The following WWP1 variants were observed in gnomAD, a reference collection of about 807,000 sequenced individuals.
WWP1 encodes WW domain containing E3 ubiquitin protein ligase 1, also known as NEDD4-like E3 ubiquitin-protein ligase WWP1.
WWP1 carries 49 observed loss-of-function variants against 130.6 expected under a neutral mutation model. The ratio of observed to expected loss-of-function variants is 0.38; its 90% CI spans 0.30 to 0.48. The LOEUF is 0.48. WWP1 is among the 20% of genes least tolerant of loss of function. The pLI is 0.99. For synonymous variants in WWP1, 332 were observed against 367.8 expected (o/e 0.90, Z 1.11); for missense variants, 809 against 1,100.6 (o/e 0.74, Z 3.75).
rs1009349119 is a variant in WWP1 at position 86,433,344 on chromosome 8, A to G, written c.1601+1601A>G. ...CTCACAAATTTAGCTCAGACTTCTC[A>G]CTTGAAATTTTGCTTTCTATATTCA... is the stretch of plus-strand genomic sequence containing the variant. On this transcript the variant is annotated intron_variant, in intron 14 of 24. Coordinates refer to ENST00000517970, the MANE Select transcript of WWP1 (RefSeq NM_007013.4). 8.7e-5 allele frequency among the ~76,000 whole-genome samples: 13 copies of G among 148,594 alleles called. No homozygotes were observed. In the South Asian group the frequency reaches 2.3e-3, roughly 26 times the overall value.
At chr8:86,376,223 G>C (rs747878965) in intron 3 of WWP1, among the ~76,000 whole-genome samples, 2 of 152,168 alleles carry the variant, frequency 1.3e-5, no homozygotes, top group Non-Finnish European at 2.9e-5. Flanking sequence ...GTACACCTGA[G>C]GTGTAACTTT....
At chr8:86,459,527 A>G (rs553416524) in intron 22 of WWP1, among the ~76,000 whole-genome samples, 2 of 152,174 alleles carry the variant, frequency 1.3e-5, no homozygotes, top group Admixed American at 6.5e-5. Context: ...AAAAAACTGG[A>G]AACAGTTCTA....
chr8:86,467,021 C>T lies in WWP1; in HGVS notation c.*128C>T, dbSNP rs193278361. On this transcript the variant is annotated 3_prime_UTR_variant, in exon 25 of 25. Coordinates refer to ENST00000517970, the MANE Select transcript of WWP1 (RefSeq NM_007013.4). ...TCCGAACCTCTCAAAGTATGTTTTC[C>T]GTTCTTCCACAGAAATATGCAAAAC... 76 of 672,148 alleles carry T rather than the reference C, an allele frequency of 1.1e-4. No homozygotes were observed. The East Asian group carries it at 1.7e-3, about 15-fold the overall frequency. 41.6% of individuals were successfully genotyped at this position (672,148 alleles called of 1,614,324 possible).
chr8:86,454,379 A>G (rs1385910023), intron 21 of WWP1, among the ~76,000 whole-genome samples: 1 of 152,000 alleles, frequency 6.6e-6, no homozygotes, highest in Non-Finnish European at 1.5e-5. Context: ...AAGCTGTTGG[A>G]TATGGAAAGC....
chr8:86,436,106 C>T (rs893257705), intron 16 of WWP1, among the ~76,000 whole-genome samples: 1 of 152,154 alleles, frequency 6.6e-6, no homozygotes, highest in African/African-American at 2.4e-5. Context: ...CATTCGTCCT[C>T]ACAGCATCCC....
In WWP1 at chr8:86,411,646, T is replaced by C; in HGVS notation, c.833T>C (p.Val278Ala). The change falls in exon 9 of 25, where the codon GTT becomes GCT. Residue 278 changes from valine (V) to alanine (A), a missense_variant. This residue lies in a region of WWP1 where 262 missense variants were observed against 346.0 expected (regional missense o/e 0.76). Coordinates refer to ENST00000517970, the MANE Select transcript of WWP1 (RefSeq NM_007013.4). ...ALSPNCTSTTVEDPPVQEILT... is the reference protein window; with the variant it reads ...ALSPNCTSTTAEDPPVQEILT... Reference sequence around the variant, plus strand: ...TCTCCAAATTGCACTAGTACTACTGTTGAAGATCCTCCAGTTCAAGAAATA... The same window carrying C: ...TCTCCAAATTGCACTAGTACTACTGCTGAAGATCCTCCAGTTCAAGAAATA... 1 of 1,614,162 alleles carries C rather than the reference T, an allele frequency of 6.2e-7. No individual in the cohort carries two copies.
chr8:86,356,912 A>G (rs1823291582), intron 1 of WWP1, among the ~76,000 whole-genome samples: 1 of 150,000 alleles, frequency 6.7e-6, no homozygotes, highest in African/African-American at 2.5e-5. Context: ...TGTAAGCATA[A>G]ATTAAATTGT....
At chr8:86,436,554 G>GCCCTC (rs1810297596) in intron 16 of WWP1, among the ~76,000 whole-genome samples, 1 of 152,170 alleles carries the variant, frequency 6.6e-6, no homozygotes, top group Admixed American at 6.5e-5. Context: ...TGAGAGCAGG[G>GCCCTC]ACTATTGGTT....
In WWP1 at chr8:86,342,897, G is replaced by T. The variant is rs1328789720; in HGVS notation, c.-148G>T. The T allele has an allele frequency of 2.7e-5, 9 of 338,622 alleles. No homozygotes were observed. In the East Asian group the frequency reaches 3.9e-4, roughly 15 times the overall value. 21.0% of individuals were successfully genotyped at this position (338,622 alleles called of 1,614,324 possible). The stretch of plus-strand genomic sequence containing the variant: ...AGGAGGAGGTGCCGCTGCCGTGGCC[G>T]CCCGGCTGCCGGGAGCCGACAGCTT... On this transcript the variant is annotated 5_prime_UTR_variant, in exon 1 of 25. Transcript: ENST00000517970.
In WWP1 at chr8:86,342,677, G is replaced by C. The variant is rs1266728124; in HGVS notation, c.-368G>C. 12 of 320,216 alleles carry C rather than the reference G, an allele frequency of 3.7e-5. No homozygotes were observed. The highest frequency in any genetic ancestry group is 6.2e-5 in the Non-Finnish European group (11 of 177,320). The allele number at this position is 320,216 out of a possible 1,614,324, so 19.8% of individuals were successfully genotyped here. On this transcript the variant is annotated 5_prime_UTR_variant, in exon 1 of 25. Coordinates refer to ENST00000517970, the MANE Select transcript of WWP1 (RefSeq NM_007013.4). Reference sequence around the variant, plus strand: ...CGCGGCGCGCTCCCGAGGAAGGGAGGTGTGGGGTCGGCTGGGGGTGGCGCG... The same window carrying C: ...CGCGGCGCGCTCCCGAGGAAGGGAGCTGTGGGGTCGGCTGGGGGTGGCGCG...
At chr8:86,448,900 C>T (rs935232001) in intron 20 of WWP1, among the ~76,000 whole-genome samples, 3 of 152,144 alleles carry the variant, frequency 2.0e-5, no homozygotes. Context: ...GTGGCGTGAT[C>T]ATAGCTTACT....
chr8:86,366,712 A>T (rs1823995007), intron 1 of WWP1, among the ~76,000 whole-genome samples: 1 of 152,196 alleles, frequency 6.6e-6, no homozygotes, highest in Non-Finnish European at 1.5e-5. Flanking sequence ...TACACTGTTC[A>T]CTAGGATTAT....
intron 12 of WWP1, among the ~76,000 whole-genome samples, chr8:86,431,163 ATTATAT>A (rs1171070453): frequency 3.6e-5 from 2 of 55,964 alleles, no homozygotes; most frequent in East Asian, 5.8e-4. Flanking sequence ...TAGAATATAT[ATTATAT>A]TCTACATAAT....
At chr8:86,422,203 G>T (rs905758472) in intron 9 of WWP1, among the ~76,000 whole-genome samples, 1 of 152,076 alleles carries the variant, frequency 6.6e-6, no homozygotes, top group Non-Finnish European at 1.5e-5. Flanking sequence ...ACTCTCTCAT[G>T]TCGCTTCCGA....
At chr8:86,435,383 A>C (rs957788304) in intron 14 of WWP1, 69 bp from the exon 15 acceptor site, 2 of 1,517,240 alleles carry the variant, frequency 1.3e-6, no homozygotes, top group Non-Finnish European at 1.8e-6. Flanking sequence ...GTACACTCTG[A>C]TTTTATACTG....
chr8:86,366,422 CAG>C (rs1014007977), intron 1 of WWP1, among the ~76,000 whole-genome samples: 1 of 152,150 alleles, frequency 6.6e-6, no homozygotes, highest in Non-Finnish European at 1.5e-5. Context: ...ATGATATGGA[CAG>C]AGAGTCTGTT....
At chr8:86,422,917 C>T (rs1429209429) in intron 9 of WWP1, among the ~76,000 whole-genome samples, 1 of 152,122 alleles carries the variant, frequency 6.6e-6, no homozygotes, top group Non-Finnish European at 1.5e-5. Context: ...AAAGAATTTT[C>T]ATGGGGCAGT....
At chr8:86,464,219 A>G (rs938862671) in intron 24 of WWP1, among the ~76,000 whole-genome samples, 1 of 152,214 alleles carries the variant, frequency 6.6e-6, no homozygotes, top group African/African-American at 2.4e-5. Context: ...ACCTGACAAG[A>G]TGAGTAATCT....
chr8:86,406,892 C>G (rs1170480027), intron 8 of WWP1, among the ~76,000 whole-genome samples: 1 of 152,192 alleles, frequency 6.6e-6, no homozygotes, highest in East Asian at 1.9e-4. Context: ...ATGGTATTCA[C>G]TCTAGTATTT....
Sources: gnomAD v4.1 joint callset for allele counts (sites outside exome capture counted in the v4.1 genomes callset) on GRCh38, gnomAD v4.1.1 for gene constraint, gnomAD v4.1.1 regional missense constraint, MANE v1.5 for transcripts, NCBI Gene and HGNC (gene_info 2026-07-23, HGNC 2026-07-21) for gene names.